CNTN4: variants seen among roughly 807,000 people sequenced by gnomAD.
CNTN4 encodes contactin 4.
Under a neutral mutation model 122.5 loss-of-function variants are expected in CNTN4, and 77 were observed. The ratio of observed to expected loss-of-function variants is 0.63; its 90% CI spans 0.52 to 0.76. CNTN4 has a LOEUF of 0.76. Ranked by LOEUF, CNTN4 falls within the 30% of genes least tolerant of loss-of-function variation. CNTN4 has a pLI of 0.00. For synonymous variants in CNTN4, 512 were observed against 447.0 expected (o/e 1.15, Z -1.83); for missense variants, 1,256 against 1,259.1 (o/e 1.00, Z 0.04).
At chr3:2,946,629 A>C (rs571207034) in intron 13 of CNTN4, among the ~76,000 whole-genome samples, 2 of 151,828 alleles carry the variant, frequency 1.3e-5, no homozygotes, top group African/African-American at 4.8e-5. Flanking sequence ...AATTTGGTAC[A>C]TGCCCTATAA....
intron 2 of CNTN4, among the ~76,000 whole-genome samples, chr3:2,174,353 T>G (rs569927943): frequency 5.2e-4 from 79 of 152,270 alleles, no homozygotes; most frequent in African/African-American, 1.8e-3. Flanking sequence ...CAGCATAACA[T>G]AGACTGGGTG....
At position 2,196,763 on chromosome 3, in the gene CNTN4, G is replaced by A. The variant is rs1028882764; in HGVS notation, c.-145+96124G>A. On this transcript the variant is annotated intron_variant, in intron 2 of 24. Coordinates refer to ENST00000418658, the MANE Select transcript of CNTN4 (RefSeq NM_175607.3). ...CTATCCTATGAAAAAGAAATGCCTGGGCCGGGCACGGTGGCTCGCTCCTGT... is the reference window on the plus strand; with the variant it reads ...CTATCCTATGAAAAAGAAATGCCTGAGCCGGGCACGGTGGCTCGCTCCTGT... Among the ~76,000 whole-genome samples, 3 of 152,036 alleles carry A rather than the reference G, an allele frequency of 2.0e-5. No homozygotes were observed. In the South Asian group the frequency reaches 6.2e-4, roughly 32 times the overall value.
At chr3:2,608,514 C>A (rs2081349542) in intron 4 of CNTN4, among the ~76,000 whole-genome samples, 2 of 152,192 alleles carry the variant, frequency 1.3e-5, no homozygotes, top group African/African-American at 4.8e-5. Context: ...TCCCCTCTCC[C>A]CAGACAAAGT....
intron 20 of CNTN4, among the ~76,000 whole-genome samples, chr3:3,041,618 T>G (rs532500938): frequency 7.9e-5 from 12 of 152,342 alleles, no homozygotes; most frequent in African/African-American, 2.9e-4. Context: ...CTGCCATAGC[T>G]GTGTACCATT....
intron 4 of CNTN4, among the ~76,000 whole-genome samples, chr3:2,591,014 C>T (rs1388400213): frequency 6.6e-6 from 1 of 152,186 alleles, no homozygotes; most frequent in Non-Finnish European, 1.5e-5. Flanking sequence ...CAGGAGGTCC[C>T]TTTGTGGAGG....
chr3:2,600,531 C>T (rs1416400058), intron 4 of CNTN4, among the ~76,000 whole-genome samples: 2 of 152,142 alleles, frequency 1.3e-5, no homozygotes, highest in Non-Finnish European at 2.9e-5. Context: ...GACATGAACT[C>T]ATCATTTTCT....
chr3:2,910,987 G>A (rs2094293317), intron 12 of CNTN4, among the ~76,000 whole-genome samples: 1 of 152,162 alleles, frequency 6.6e-6, no homozygotes, highest in Admixed American at 6.5e-5. Context: ...GCTTGCTGGA[G>A]CACCTCCCAC....
intron 14 of CNTN4, among the ~76,000 whole-genome samples, chr3:3,007,707 C>T (rs1574801883): frequency 6.6e-6 from 1 of 152,210 alleles, no homozygotes; most frequent in Non-Finnish European, 1.5e-5. Context: ...CTCCATCACA[C>T]AAGACTGGCT....
At chr3:2,283,197 G>C (rs950335037) in intron 2 of CNTN4, among the ~76,000 whole-genome samples, 1 of 152,062 alleles carries the variant, frequency 6.6e-6, no homozygotes, top group African/African-American at 2.4e-5. Flanking sequence ...AATAAACAGA[G>C]AGTACAAAGA....
At position 3,030,782 on chromosome 3, in the gene CNTN4, G is replaced by A. The variant is rs568865133; in HGVS notation, c.1663-73G>A. 2.3e-5 allele frequency: 35 copies of A among 1,515,986 alleles called. No individual in the cohort carries two copies. In the East Asian group the frequency reaches 5.0e-4, roughly 21 times the overall value. The allele number at this position is 1,515,986 out of a possible 1,614,324, so 93.9% of individuals were successfully genotyped here. A position where few individuals can be genotyped will look rare whatever the true frequency, so the allele number is the denominator to read the frequency against. On this transcript the variant is annotated intron_variant, in intron 15 of 24. Transcript: ENST00000418658. ...GTGTAAAATAAATCCATTAGTCACC[G>A]TGTCCTTCATGTGATAATGATATTT... is the stretch of plus-strand genomic sequence containing the variant.
chr3:2,658,955 CACACAA>C (rs2083729950), intron 4 of CNTN4, among the ~76,000 whole-genome samples: 1 of 109,398 alleles, frequency 9.1e-6, no homozygotes, highest in Non-Finnish European at 1.8e-5. Context: ...CACACCCACA[CACACAA>C]ACAGACACAC....
intron 7 of CNTN4, among the ~76,000 whole-genome samples, chr3:2,847,743 A>G (rs1353130812): frequency 6.6e-6 from 1 of 152,190 alleles, no homozygotes; most frequent in Non-Finnish European, 1.5e-5. Context: ...ACTTTCCCTC[A>G]TCCCACCCTT....
At chr3:2,349,558 A>G (rs2044529692) in intron 3 of CNTN4, among the ~76,000 whole-genome samples, 1 of 152,168 alleles carries the variant, frequency 6.6e-6, no homozygotes, top group Non-Finnish European at 1.5e-5. Context: ...GATATTACCT[A>G]GGTTGCCAAT....
intron 3 of CNTN4, among the ~76,000 whole-genome samples, chr3:2,471,040 G>T (rs531240969): frequency 6.6e-5 from 10 of 152,288 alleles, no homozygotes; most frequent in African/African-American, 2.4e-4. Context: ...AATTAATTTT[G>T]TTGAATGAAT....
intron 13 of CNTN4, among the ~76,000 whole-genome samples, chr3:2,960,567 A>T (rs1017055571): frequency 5.3e-5 from 8 of 152,218 alleles, no homozygotes; most frequent in Admixed American, 1.3e-4. Context: ...CTTAGTTAGT[A>T]TTATTAGTGT....
intron 13 of CNTN4, among the ~76,000 whole-genome samples, chr3:2,936,976 C>T (rs960654020): frequency 2.6e-5 from 4 of 152,156 alleles, no homozygotes; most frequent in African/African-American, 9.7e-5. Flanking sequence ...GGGACTGAGC[C>T]TACCCAGATC....
intron 6 of CNTN4, among the ~76,000 whole-genome samples, chr3:2,799,129 T>C (rs2092284915): frequency 6.6e-6 from 1 of 152,244 alleles, no homozygotes; most frequent in South Asian, 2.1e-4. Context: ...GTTGTCCATT[T>C]GTATGCCTTC....
chr3:2,676,085 C>T (rs2084827398), intron 4 of CNTN4, among the ~76,000 whole-genome samples: 1 of 152,100 alleles, frequency 6.6e-6, no homozygotes, highest in South Asian at 2.1e-4. Context: ...ACTATTACTG[C>T]CTGAACAAAT....
At chr3:2,819,442 G>C in intron 6 of CNTN4, 44 bp from the exon 7 acceptor site, 1 of 1,434,220 alleles carries the variant, frequency 7.0e-7, no homozygotes, top group South Asian at 1.1e-5. Flanking sequence ...TGATATCTTA[G>C]GACTTTAAAG....
Sources: allele counts gnomAD v4.1 joint callset (sites outside exome capture counted in the v4.1 genomes callset), GRCh38; gene constraint gnomAD v4.1.1; transcripts MANE v1.5; gene names NCBI Gene and HGNC (gene_info 2026-07-23, HGNC 2026-07-21).